Variants in FGF10 observed in about 807,000 individuals in gnomAD.
FGF10 encodes FGF-10.
Under a neutral mutation model 19.8 loss-of-function variants are expected in FGF10, and 2 were observed. That is an observed-to-expected ratio of 0.10 (90% CI 0.04 to 0.32). FGF10 has a LOEUF of 0.32. FGF10 is among the 10% of genes least tolerant of loss of function. The pLI, the probability that FGF10 is intolerant of heterozygous loss-of-function variation, is 1.00. For missense variants in FGF10, 191 were observed against 246.3 expected (o/e 0.78, Z 1.50); for synonymous variants, 112 against 94.0 (o/e 1.19, Z -1.10).
chr5:44,327,546 G>GTTAA (rs1347553913), intron 1 of FGF10, among the ~76,000 whole-genome samples: 2 of 152,180 alleles, frequency 1.3e-5, no homozygotes, highest in African/African-American at 2.4e-5. Flanking sequence ...GGTCAAGGAT[G>GTTAA]TTAAGGTAAT....
At chr5:44,382,096 A>C (rs752999543) in intron 1 of FGF10, among the ~76,000 whole-genome samples, 4 of 152,216 alleles carry the variant, frequency 2.6e-5, no homozygotes, top group African/African-American at 4.8e-5. Flanking sequence ...TAGGTGAACT[A>C]TAAAATAAGG....
intron 1 of FGF10, among the ~76,000 whole-genome samples, chr5:44,349,023 A>T (rs1232120326): frequency 6.6e-6 from 1 of 151,552 alleles, no homozygotes; most frequent in Non-Finnish European, 1.5e-5. Flanking sequence ...TCGTTCAAGA[A>T]ATTTATGAAC....
At chr5:44,364,068 C>A (rs1741550624) in intron 1 of FGF10, among the ~76,000 whole-genome samples, 1 of 151,780 alleles carries the variant, frequency 6.6e-6, no homozygotes, top group African/African-American at 2.4e-5. Flanking sequence ...GGCTATCCAC[C>A]AAGGCTGAGG....
chr5:44,359,021 C>T (rs1741416354), intron 1 of FGF10, among the ~76,000 whole-genome samples: 1 of 151,518 alleles, frequency 6.6e-6, no homozygotes, highest in African/African-American at 2.4e-5. Context: ...TACATATACG[C>T]TTATCCTTGG....
chr5:44,325,501 A>T (rs1261210595), intron 1 of FGF10, among the ~76,000 whole-genome samples: 1 of 152,150 alleles, frequency 6.6e-6, no homozygotes, highest in Non-Finnish European at 1.5e-5. Context: ...TCCAACAATG[A>T]TAGACTGGAT....
At chr5:44,385,369 T>C (rs1484020402) in intron 1 of FGF10, among the ~76,000 whole-genome samples, 2 of 152,156 alleles carry the variant, frequency 1.3e-5, no homozygotes, top group African/African-American at 2.4e-5. Context: ...AAAGTAGAAG[T>C]TAAAAATGAT....
At chr5:44,371,895 G>A (rs901824762) in intron 1 of FGF10, among the ~76,000 whole-genome samples, 4 of 152,042 alleles carry the variant, frequency 2.6e-5, no homozygotes, top group African/African-American at 7.2e-5. Context: ...CACACCATTC[G>A]TTAAGAGGTT....
chr5:44,347,644 C>T (rs761645302), intron 1 of FGF10, among the ~76,000 whole-genome samples: 10 of 151,628 alleles, frequency 6.6e-5, no homozygotes, highest in Admixed American at 5.9e-4. Context: ...ATATTGATTG[C>T]CACATGAATA....
chr5:44,313,180 G>C (rs1839090), intron 1 of FGF10, among the ~76,000 whole-genome samples: 1 of 151,898 alleles, frequency 6.6e-6, no homozygotes, highest in African/African-American at 2.4e-5. Flanking sequence ...AAATAATTTT[G>C]GGACGCAGCG....
chr5:44,328,334 T>C (rs1341157750), intron 1 of FGF10, among the ~76,000 whole-genome samples: 1 of 152,232 alleles, frequency 6.6e-6, no homozygotes, highest in Non-Finnish European at 1.5e-5. Flanking sequence ...TAAAAACATA[T>C]AACCAGTTGT....
intron 1 of FGF10, among the ~76,000 whole-genome samples, chr5:44,352,618 G>T (rs1302885229): frequency 2.6e-5 from 4 of 151,586 alleles, no homozygotes; most frequent in Non-Finnish European, 5.9e-5. Flanking sequence ...TTCTCCTGGG[G>T]AAATGTCTAA....
At chr5:44,319,906 A>T (rs1740444040) in intron 1 of FGF10, among the ~76,000 whole-genome samples, 1 of 152,174 alleles carries the variant, frequency 6.6e-6, no homozygotes, top group South Asian at 2.1e-4. Context: ...GCTGCACAGC[A>T]GGAAGTGGCC....
At chr5:44,353,416 T>G (rs1190513643) in intron 1 of FGF10, among the ~76,000 whole-genome samples, 1 of 151,614 alleles carries the variant, frequency 6.6e-6, no homozygotes, top group African/African-American at 2.4e-5. Flanking sequence ...CAATCTCCAG[T>G]ACAGTTTCCA....
rs148594385 is a variant in FGF10 at position 44,384,355 on chromosome 5, T to C, written c.325+4003A>G. Among the ~76,000 whole-genome samples the C allele has an allele frequency of 2.2e-3, 340 of 152,222 alleles. 1 individual carries two copies. The highest frequency in any genetic ancestry group is 7.8e-3 in the African/African-American group (323 of 41,562). On this transcript the variant is annotated intron_variant, in intron 1 of 2. Coordinates refer to ENST00000264664, the MANE Select transcript of FGF10 (RefSeq NM_004465.2). Reference sequence around the variant, plus strand: ...CAAATATCAAAAGAGAGAGTTTACCTAGAGAATACACTAACCTTGTCTGAT... The same window carrying C: ...CAAATATCAAAAGAGAGAGTTTACCCAGAGAATACACTAACCTTGTCTGAT...
chr5:44,338,752 TC>T (rs1424721187), intron 1 of FGF10, among the ~76,000 whole-genome samples: 2 of 152,246 alleles, frequency 1.3e-5, no homozygotes, highest in African/African-American at 4.8e-5. Flanking sequence ...GTTAAAGTAC[TC>T]TATTAATTTT....
chr5:44,372,820 A>G (rs1330016666), intron 1 of FGF10, among the ~76,000 whole-genome samples: 1 of 152,216 alleles, frequency 6.6e-6, no homozygotes, highest in African/African-American at 2.4e-5. Flanking sequence ...AAGCAATTTC[A>G]AAATCCAGCA....
intron 1 of FGF10, among the ~76,000 whole-genome samples, chr5:44,348,910 C>T (rs981512974): frequency 2.6e-5 from 4 of 151,300 alleles, no homozygotes; most frequent in Non-Finnish European, 4.4e-5. Context: ...CTTATGTGTC[C>T]ACTACAATTC....
At chr5:44,305,514 A>C (rs1740055199) in intron 2 of FGF10, among the ~76,000 whole-genome samples, 1 of 152,166 alleles carries the variant, frequency 6.6e-6, no homozygotes, top group Non-Finnish European at 1.5e-5. Context: ...CTCACTAACA[A>C]TATTTGTGAT....
In FGF10 at chr5:44,388,368, G is replaced by A. The variant is rs201719161; in HGVS notation, c.315C>T (p.Asn105=). The stretch of plus-strand genomic sequence containing the variant: ...GCATTTGTTACTTACTGTACGGGCA[G>A]TTCTCCTTCTTGGTCCCGCTGACCT... ...NGKVSGTKKE[N]CPYSILEITS... is the part of the protein sequence containing the mutation. The change falls in exon 1 of 3, where the codon AAC becomes AAT. Residue 105 remains asparagine, a synonymous_variant. Transcript: ENST00000264664. 2.7e-5 allele frequency: 44 copies of A among 1,613,206 alleles called. No homozygotes were observed. The highest frequency in any genetic ancestry group is 3.7e-5 in the Non-Finnish European group (44 of 1,179,958).
Sources: allele counts gnomAD v4.1 joint callset (sites outside exome capture counted in the v4.1 genomes callset), GRCh38; gene constraint gnomAD v4.1.1; transcripts MANE v1.5; gene names NCBI Gene and HGNC (gene_info 2026-07-23, HGNC 2026-07-21).